GBF1: variants seen among roughly 807,000 people sequenced by gnomAD.
GBF1 encodes Golgi-specific brefeldin A-resistance guanine nucleotide exchange factor 1.
A neutral mutation model predicts 210.5 loss-of-function variants in GBF1; 114 were observed. The ratio of observed to expected loss-of-function variants is 0.54; its 90% CI spans 0.47 to 0.63. The LOEUF (loss-of-function observed/expected upper bound fraction) is 0.63, where lower values mean the gene tolerates loss of function less well. Among genes scored for constraint, GBF1 ranks in the 30% least tolerant of loss-of-function variants. GBF1 has a pLI of 0.00. For missense variants in GBF1, 1,851 were observed against 2,357.7 expected (o/e 0.79, Z 4.45); for synonymous variants, 850 against 889.2 (o/e 0.96, Z 0.78).
chr10:102,300,398 T>TA (rs933840230), intron 3 of GBF1, among the ~76,000 whole-genome samples: 6 of 151,266 alleles, frequency 4.0e-5, no homozygotes, highest in South Asian at 4.2e-4. Context: ...ATTCAACAGC[T>TA]AAAAAAAAAG....
At chr10:102,288,732 A>AC (rs1183146271) in intron 3 of GBF1, among the ~76,000 whole-genome samples, 13 of 146,046 alleles carry the variant, frequency 8.9e-5, no homozygotes, top group Non-Finnish European at 1.8e-4. Flanking sequence ...GAAAAAAAAA[A>AC]AAACAAAAAA....
At chr10:102,375,306 G>C in intron 29 of GBF1, 53 bp from the exon 30 acceptor site, 1 of 1,022,866 alleles carries the variant, frequency 9.8e-7, no homozygotes, top group Non-Finnish European at 1.6e-6. Flanking sequence ...ACAGGAAGCT[G>C]TGTGCCCACA....
chr10:102,262,753 A>G (rs2073395844), intron 3 of GBF1, among the ~76,000 whole-genome samples: 1 of 152,224 alleles, frequency 6.6e-6, no homozygotes, highest in Non-Finnish European at 1.5e-5. Flanking sequence ...TGAATGATGC[A>G]GTCTAGGAAT....
chr10:102,254,070 G>A (rs996661071), intron 1 of GBF1, among the ~76,000 whole-genome samples: 39 of 152,186 alleles, frequency 2.6e-4, no homozygotes, highest in African/African-American at 9.2e-4. Flanking sequence ...TTAGTTATAT[G>A]TGCCTCAAAT....
At position 102,379,968 on chromosome 10, in the gene GBF1, C is replaced by G; in HGVS notation, c.4878+14C>G. 6.6e-7 allele frequency: 1 copy of G among 1,519,500 alleles called. No individual in the cohort carries two copies. The highest frequency in any genetic ancestry group is 9.1e-7 in the Non-Finnish European group (1 of 1,097,142). 94.1% of individuals were successfully genotyped at this position (1,519,500 alleles called of 1,614,324 possible). A position where few individuals can be genotyped will look rare whatever the true frequency, so the allele number is the denominator to read the frequency against. On this transcript the variant is annotated intron_variant, in intron 36 of 39. Coordinates refer to ENST00000369983, the MANE Select transcript of GBF1 (RefSeq NM_001377137.1). Reference sequence around the variant, plus strand: ...TTGCTCTCTAAGGTACTGCTCACCACCCTATACCCACCCTCTCTCCCATAC... The same window carrying G: ...TTGCTCTCTAAGGTACTGCTCACCAGCCTATACCCACCCTCTCTCCCATAC...
In GBF1 at chr10:102,260,108, G is replaced by T; in HGVS notation, c.155G>T (p.Ser52Ile). Residue 52 changes from serine (S) to isoleucine (I), a missense_variant, in exon 3 of 40, where the codon AGT becomes ATT. By Grantham distance (142) the Ser-to-Ile change is moderately radical. Around this residue, in one of 3 missense-constraint regions of GBF1, gnomAD observed 804 missense variants for 958.6 expected, o/e 0.84. Coordinates refer to ENST00000369983, the MANE Select transcript of GBF1 (RefSeq NM_001377137.1). ...SFGHLKEVLN[S>I]ITELSEIEPN... ...GGTCATCTAAAGGAGGTTTTAAACA[G>T]TATAACAGGTAAGTCTCCATATGTA... 1 of 1,512,866 alleles carries T rather than the reference G, an allele frequency of 6.6e-7. No individual in the cohort carries two copies. Among genetic ancestry groups the T allele is most frequent in the Non-Finnish European group, 9.2e-7 (1 of 1,088,750 alleles). 93.7% of individuals were successfully genotyped at this position (1,512,866 alleles called of 1,614,324 possible).
intron 33 of GBF1, among the ~76,000 whole-genome samples, chr10:102,378,485 G>A (rs556306352): frequency 1.3e-5 from 2 of 151,992 alleles, no homozygotes; most frequent in East Asian, 3.9e-4. Context: ...AAAATTATCT[G>A]GGCATGGTGG....
At chr10:102,270,129 T>C (rs1438137947) in intron 3 of GBF1, among the ~76,000 whole-genome samples, 3 of 152,124 alleles carry the variant, frequency 2.0e-5, no homozygotes, top group Admixed American at 6.6e-5. Flanking sequence ...CTGCCCGTCT[T>C]GGCCTCCCAA....
intron 3 of GBF1, among the ~76,000 whole-genome samples, chr10:102,301,206 G>A (rs981058098): frequency 1.3e-5 from 2 of 152,076 alleles, no homozygotes; most frequent in Non-Finnish European, 2.9e-5. Context: ...CTGCCTTCAA[G>A]CATCTGTTTA....
chr10:102,314,818 A>T (rs2078794277), intron 3 of GBF1, among the ~76,000 whole-genome samples: 1 of 152,156 alleles, frequency 6.6e-6, no homozygotes, highest in Non-Finnish European at 1.5e-5. Flanking sequence ...CAGAGATGGC[A>T]TTAATATGAA....
Position 102,362,020 on chromosome 10 carries a change from A to T in GBF1, c.1686+108A>T, listed in dbSNP as rs544746273. On this transcript the variant is annotated intron_variant, in intron 14 of 39. Transcript: ENST00000369983. ...GAGAGGGGAACACTTGAGAGCTGGG[A>T]AATAGAAGAAAGGCATTTTCTTTTC... 3.4e-5 allele frequency: 17 copies of T among 499,468 alleles called. No individual in the cohort carries two copies. The African/African-American group carries it at 3.4e-4, about 10-fold the overall frequency. 30.9% of individuals were successfully genotyped at this position (499,468 alleles called of 1,614,324 possible). A position where few individuals can be genotyped will look rare whatever the true frequency, so the allele number is the denominator to read the frequency against.
chr10:102,304,119 A>C (rs2077633037), intron 3 of GBF1, among the ~76,000 whole-genome samples: 1 of 152,222 alleles, frequency 6.6e-6, no homozygotes, highest in African/African-American at 2.4e-5. Context: ...ATCCAAACAG[A>C]AAAATGGTAC....
At chr10:102,306,248 C>T (rs1193636191) in intron 3 of GBF1, among the ~76,000 whole-genome samples, 1 of 152,122 alleles carries the variant, frequency 6.6e-6, no homozygotes, top group African/African-American at 2.4e-5. Flanking sequence ...GCTCTAAATT[C>T]TGTTATTCCC....
intron 3 of GBF1, among the ~76,000 whole-genome samples, chr10:102,323,261 A>G (rs1279127585): frequency 6.9e-6 from 1 of 145,702 alleles, no homozygotes; most frequent in African/African-American, 2.5e-5. Context: ...AAAAAAAAAA[A>G]GAAGAAGAAG....
intron 3 of GBF1, among the ~76,000 whole-genome samples, chr10:102,340,614 G>T (rs976547068): frequency 1.3e-5 from 2 of 150,532 alleles, no homozygotes; most frequent in Admixed American, 1.3e-4. Flanking sequence ...TCACTATGTT[G>T]CCCAGGCTGG....
intron 3 of GBF1, among the ~76,000 whole-genome samples, chr10:102,315,724 C>T (rs573028940): frequency 1.8e-4 from 28 of 152,262 alleles, no homozygotes; most frequent in African/African-American, 6.7e-4. Flanking sequence ...GCCCGCTGCT[C>T]ACCTCCTTCT....
upstream of GBF1, among the ~76,000 whole-genome samples, chr10:102,245,200 C>A (rs1483498264): frequency 6.6e-6 from 1 of 152,112 alleles, no homozygotes; most frequent in Non-Finnish European, 1.5e-5. Context: ...CAATTGTAGC[C>A]TTTTTCCCCA....
chr10:102,309,295 C>A (rs1189494255), intron 3 of GBF1, among the ~76,000 whole-genome samples: 1 of 152,162 alleles, frequency 6.6e-6, no homozygotes, highest in Non-Finnish European at 1.5e-5. Context: ...CTTGGGACTT[C>A]CTTCAGAGTC....
chr10:102,354,878 G>T (rs1225711754), intron 8 of GBF1, among the ~76,000 whole-genome samples: 1 of 151,502 alleles, frequency 6.6e-6, no homozygotes, highest in Non-Finnish European at 1.5e-5. Context: ...CCTGGACTGG[G>T]TTTGGAGGGA....
Sources: allele counts gnomAD v4.1 joint callset (sites outside exome capture counted in the v4.1 genomes callset), GRCh38; gene constraint gnomAD v4.1.1; regional missense constraint gnomAD v4.1.1; transcripts MANE v1.5; gene names NCBI Gene and HGNC (gene_info 2026-07-23, HGNC 2026-07-21).